The following PRR5L variants were observed in gnomAD, a reference collection of about 807,000 sequenced individuals.
PRR5L encodes proline rich 5 like.
A neutral mutation model predicts 36.4 loss-of-function variants in PRR5L; 21 were observed. That is an observed-to-expected ratio of 0.58 (90% CI 0.41 to 0.83). PRR5L has a LOEUF of 0.83. PRR5L is among the 40% of genes least tolerant of loss of function. The probability of loss-of-function intolerance (pLI) is 0.00; values close to 1 mark genes in which losing one functional copy is unlikely to be tolerated. For synonymous variants in PRR5L, 188 were observed against 197.0 expected (o/e 0.95, Z 0.38); for missense variants, 381 against 473.3 (o/e 0.80, Z 1.81).
In PRR5L at chr11:36,355,548, C is replaced by CTTT. The variant is rs1041820581; in HGVS notation, c.-125-45432_-125-45430dup. ...AGAGCCCATGCTCTGCTTTGCTTTGCTTTTTTTTTTTTTTTTTTTGAGACA... is the reference window on the plus strand; with the variant it reads ...AGAGCCCATGCTCTGCTTTGCTTTGCTTTTTTTTTTTTTTTTTTTTTTGAGACA... On this transcript the variant is annotated intron_variant, in intron 1 of 8. Transcript: ENST00000530639. 9.1e-3 allele frequency among the ~76,000 whole-genome samples: 1,151 copies of CTTT among 127,036 alleles called. 26 individuals carry two copies. Among genetic ancestry groups the CTTT allele is most frequent in the African/African-American group, 0.033 (1,100 of 33,520 alleles). The allele number at this position is 127,036 out of a possible 152,430, so 83.3% of individuals were successfully genotyped here.
intron 5 of PRR5L, 140 bp downstream of exon 5, chr11:36,432,050 C>A (rs1051796724): frequency 4.7e-6 from 3 of 635,126 alleles, no homozygotes; most frequent in Non-Finnish European, 8.3e-6. Flanking sequence ...ACCTAGGCAG[C>A]AGCACTTTGA....
intron 1 of PRR5L, chr11:36,393,930 C>G (rs999327593): frequency 6.6e-6 from 1 of 152,150 alleles, no homozygotes; most frequent in Non-Finnish European, 1.5e-5. Flanking sequence ...TACAAGGCAG[C>G]CATCTGTAAA....
At chr11:36,356,055 G>C (rs1339570160) in intron 1 of PRR5L, among the ~76,000 whole-genome samples, 1 of 151,528 alleles carries the variant, frequency 6.6e-6, no homozygotes. Flanking sequence ...GGGACTACAG[G>C]CACATGCCAC....
At chr11:36,449,989 T>C (rs1858910480) in intron 7 of PRR5L, among the ~76,000 whole-genome samples, 1 of 152,208 alleles carries the variant, frequency 6.6e-6, no homozygotes, top group African/African-American at 2.4e-5. Context: ...CTTCTGGCCC[T>C]GTTTCTACCT....
At chr11:36,364,860 C>T (rs1464031791) in intron 1 of PRR5L, among the ~76,000 whole-genome samples, 1 of 152,134 alleles carries the variant, frequency 6.6e-6, no homozygotes, top group East Asian at 1.9e-4. Flanking sequence ...ATCTCTAAAC[C>T]TCAATTTGTT....
chr11:36,414,100 A>C (rs1209433085), intron 3 of PRR5L, among the ~76,000 whole-genome samples: 1 of 149,394 alleles, frequency 6.7e-6, no homozygotes, highest in Non-Finnish European at 1.5e-5. Context: ...CATTTTCTTA[A>C]TCCGGTCTAT....
At chr11:36,453,940 AG>A (rs1202415792) in intron 8 of PRR5L, 2 of 152,458 alleles carry the variant, frequency 1.3e-5, no homozygotes, top group Admixed American at 6.5e-5. Flanking sequence ...AAGAGGAAGG[AG>A]CGTTAGAGGA....
At chr11:36,402,919 G>A (rs1238736217) in intron 2 of PRR5L, among the ~76,000 whole-genome samples, 1 of 152,244 alleles carries the variant, frequency 6.6e-6, no homozygotes, top group Non-Finnish European at 1.5e-5. Flanking sequence ...TGTGAAGACA[G>A]TGGCTGTGAA....
At position 36,377,809 on chromosome 11, in the gene PRR5L, G is replaced by C. The variant is rs1857302448; in HGVS notation, c.-125-23188G>C. The stretch of plus-strand genomic sequence containing the variant: ...GCGCCCCACAAGACGAAAGGTTCAC[G>C]CGCTGCGTCTGAGCTGCACGTCTGC... On this transcript the variant is annotated intron_variant, in intron 1 of 8. Transcript: ENST00000530639. This position sits in a 1 kb window ranked among gnomAD's most constrained non-coding sequence, Gnocchi z 5.1. The C allele has an allele frequency of 6.6e-6, 1 of 152,254 alleles. No homozygotes were observed. The highest frequency in any genetic ancestry group is 1.5e-5 in the Non-Finnish European group (1 of 68,072). 9.4% of individuals were successfully genotyped at this position (152,254 alleles called of 1,614,324 possible).
intron 5 of PRR5L, among the ~76,000 whole-genome samples, chr11:36,436,034 G>A (rs1439705259): frequency 6.6e-6 from 1 of 152,136 alleles, no homozygotes; most frequent in African/African-American, 2.4e-5. Context: ...CAAGTTGAGG[G>A]TGCCCTGGAT....
chr11:36,305,575 A>C (rs1382864206), intron 1 of PRR5L, among the ~76,000 whole-genome samples: 1 of 152,214 alleles, frequency 6.6e-6, no homozygotes, highest in Non-Finnish European at 1.5e-5. Flanking sequence ...CCTGAAATTC[A>C]TCTTTTGAAA....
chr11:36,394,844 A>T (rs915278609), intron 1 of PRR5L, among the ~76,000 whole-genome samples: 4 of 152,142 alleles, frequency 2.6e-5, no homozygotes, highest in Admixed American at 2.6e-4. Flanking sequence ...TGACAAGTGT[A>T]TGCATCTTTG....
intron 3 of PRR5L, among the ~76,000 whole-genome samples, chr11:36,414,262 A>G (rs1020978402): frequency 6.6e-6 from 1 of 150,930 alleles, no homozygotes; most frequent in Non-Finnish European, 1.5e-5. Context: ...TGGTATTTCT[A>G]GTTCTACATC....
chr11:36,297,138 G>A (rs1170759949), intron 1 of PRR5L, among the ~76,000 whole-genome samples: 1 of 152,126 alleles, frequency 6.6e-6, no homozygotes, highest in Non-Finnish European at 1.5e-5. Flanking sequence ...TTCACCCGGG[G>A]TCACACAGTT....
In PRR5L at chr11:36,363,341, A is replaced by G. The variant is rs540094874; in HGVS notation, c.-125-37656A>G. Among the ~76,000 whole-genome samples the G allele has an allele frequency of 2.8e-4, 42 of 152,344 alleles. No individual in the cohort carries two copies. The South Asian group carries it at 8.7e-3, about 32-fold the overall frequency. On this transcript the variant is annotated intron_variant, in intron 1 of 8. Coordinates refer to ENST00000530639, the MANE Select transcript of PRR5L (RefSeq NM_001160167.2). Reference sequence around the variant, plus strand: ...ATTCCTGGAGTGCTTTCGAAGTGTGAGGGCAGACATCACTCCTTGACCTCT... The same window carrying G: ...ATTCCTGGAGTGCTTTCGAAGTGTGGGGGCAGACATCACTCCTTGACCTCT...
At chr11:36,365,050 T>C (rs1210349300) in intron 1 of PRR5L, among the ~76,000 whole-genome samples, 1 of 152,220 alleles carries the variant, frequency 6.6e-6, no homozygotes, top group Non-Finnish European at 1.5e-5. Flanking sequence ...GCTGGGGGCT[T>C]AGTCTGGGCC....
At chr11:36,392,078 T>C (rs1257075382) in intron 1 of PRR5L, among the ~76,000 whole-genome samples, 1 of 152,268 alleles carries the variant, frequency 6.6e-6, no homozygotes. Flanking sequence ...TCTGTTGTTC[T>C]GTGGCTGGCT....
intron 1 of PRR5L, among the ~76,000 whole-genome samples, chr11:36,354,157 A>G (rs7105283): frequency 0.69 from 105,226 of 152,052 alleles, 37,132 homozygotes; most frequent in East Asian, 0.88. Flanking sequence ...TTGTCTGTAG[A>G]ATGGAAATCA....
chr11:36,423,532 A>T (rs1858316994), intron 4 of PRR5L, among the ~76,000 whole-genome samples: 1 of 152,190 alleles, frequency 6.6e-6, no homozygotes, highest in Non-Finnish European at 1.5e-5. Context: ...GTGATTTCTA[A>T]ATCCAAATTG....
Sources: allele counts gnomAD v4.1 joint callset (sites outside exome capture counted in the v4.1 genomes callset), GRCh38; gene constraint gnomAD v4.1.1; non-coding constraint Gnocchi (gnomAD v3.1); transcripts MANE v1.5; gene names NCBI Gene and HGNC (gene_info 2026-07-23, HGNC 2026-07-21).